ACYP2: variants seen among roughly 807,000 people sequenced by gnomAD.
ACYP2 encodes the protein acylphosphatase 2.
Under a neutral mutation model 11.2 loss-of-function variants are expected in ACYP2, and 12 were observed. That is an observed-to-expected ratio of 1.08 (90% confidence interval 0.69 to 1.74). The LOEUF (loss-of-function observed/expected upper bound fraction) is 1.74, where lower values mean the gene tolerates loss of function less well. Among genes scored for constraint, ACYP2 ranks in the 40% most tolerant of loss-of-function variants. The pLI is 0.00. For synonymous variants in ACYP2, 43 were observed against 32.2 expected, an observed-to-expected ratio of 1.33 and a Z score of -1.13; for missense variants, 134 against 101.9, an observed-to-expected ratio of 1.31 and a Z score of -1.35.
chr2:54,028,422 C>T (rs1374729575), intron 2 of ACYP2, among the ~76,000 whole-genome samples: 1 of 152,102 alleles, frequency 6.6e-6, no homozygotes, highest in African/African-American at 2.4e-5. Context: ...CCGGCAATTC[C>T]CCTCAGCCTC....
At chr2:54,059,582 A>C (rs1420811839) in intron 4 of ACYP2, among the ~76,000 whole-genome samples, 1 of 152,214 alleles carries the variant, frequency 6.6e-6, no homozygotes. Context: ...CTAATACTAC[A>C]TTCAACATTT....
At chr2:54,089,879 C>T (rs1429298711) in intron 4 of ACYP2, among the ~76,000 whole-genome samples, 1 of 152,114 alleles carries the variant, frequency 6.6e-6, no homozygotes, top group East Asian at 1.9e-4. Context: ...GACACGGTGG[C>T]TCATACCTGT....
intron 4 of ACYP2, among the ~76,000 whole-genome samples, chr2:54,062,014 G>T (rs1676494678): frequency 6.6e-6 from 1 of 152,128 alleles, no homozygotes; most frequent in Admixed American, 6.5e-5. Context: ...CATTATATTG[G>T]CTTTAAAGTG....
intron 4 of ACYP2, among the ~76,000 whole-genome samples, chr2:54,068,155 T>A (rs1307288113): frequency 6.6e-6 from 1 of 152,226 alleles, no homozygotes; most frequent in African/African-American, 2.4e-5. Flanking sequence ...ATTTTCTCTG[T>A]GCCTTTAGTT....
intron 6 of ACYP2, among the ~76,000 whole-genome samples, chr2:54,274,309 C>A (rs1688448414): frequency 6.6e-6 from 1 of 152,086 alleles, no homozygotes; most frequent in Non-Finnish European, 1.5e-5. Flanking sequence ...TCACCTCCCA[C>A]CAGGTTCCTC....
chr2:54,059,901 A>C (rs1204422253), intron 4 of ACYP2, among the ~76,000 whole-genome samples: 1 of 152,238 alleles, frequency 6.6e-6, no homozygotes, highest in African/African-American at 2.4e-5. Flanking sequence ...TTCTGAACTC[A>C]GTTGCTACCA....
At chr2:53,993,311 G>C (rs1394969140) in intron 2 of ACYP2, among the ~76,000 whole-genome samples, 2 of 152,068 alleles carry the variant, frequency 1.3e-5, no homozygotes, top group African/African-American at 4.8e-5. Flanking sequence ...GAGAAGGAAG[G>C]ATTAGATCCA....
At chr2:54,265,165 T>A (rs749197282) in intron 6 of ACYP2, among the ~76,000 whole-genome samples, 1 of 152,150 alleles carries the variant, frequency 6.6e-6, no homozygotes, top group Non-Finnish European at 1.5e-5. Flanking sequence ...GATAAAGACA[T>A]AGCTGAGACT....
intron 4 of ACYP2, among the ~76,000 whole-genome samples, chr2:54,062,449 C>T (rs1482669810): frequency 6.6e-6 from 1 of 152,158 alleles, no homozygotes; most frequent in Non-Finnish European, 1.5e-5. Flanking sequence ...GTTGCTGAGA[C>T]CAGATCAACC....
chr2:54,133,202 T>A (rs1055395828), intron 4 of ACYP2, among the ~76,000 whole-genome samples: 1 of 152,212 alleles, frequency 6.6e-6, no homozygotes, highest in African/African-American at 2.4e-5. Context: ...TCCTTATAGT[T>A]TGCCTTTTCC....
At chr2:54,077,709 C>A (rs911965862) in intron 4 of ACYP2, among the ~76,000 whole-genome samples, 3 of 152,318 alleles carry the variant, frequency 2.0e-5, no homozygotes, top group Admixed American at 2.0e-4. Flanking sequence ...GGGGAATAAT[C>A]TGTGTGGGAG....
chr2:54,286,646 A>G (rs994390623), intron 6 of ACYP2, among the ~76,000 whole-genome samples: 2 of 152,104 alleles, frequency 1.3e-5, no homozygotes, highest in Admixed American at 1.3e-4. Context: ...TTTCTAGAAT[A>G]TAATTGTACT....
At chr2:54,077,209 G>T (rs769833014) in intron 4 of ACYP2, among the ~76,000 whole-genome samples, 1 of 152,204 alleles carries the variant, frequency 6.6e-6, no homozygotes, top group Non-Finnish European at 1.5e-5. Flanking sequence ...AATGGAAGAA[G>T]TCCTAGACTC....
intron 4 of ACYP2, among the ~76,000 whole-genome samples, chr2:54,101,812 A>T (rs997855663): frequency 1.3e-5 from 2 of 152,196 alleles, no homozygotes; most frequent in Non-Finnish European, 2.9e-5. Flanking sequence ...GGAAAAATGA[A>T]GCAGAAAGTA....
intron 6 of ACYP2, among the ~76,000 whole-genome samples, chr2:54,177,902 TTTA>T (rs1433713537): frequency 0.056 from 2,066 of 37,138 alleles, 54 homozygotes; most frequent in African/African-American, 0.2. Context: ...TCTTTCTTTC[TTTA>T]TTTTTTTTTT....
chr2:54,171,439 C>G (rs1354851568), intron 6 of ACYP2, among the ~76,000 whole-genome samples: 1 of 152,080 alleles, frequency 6.6e-6, no homozygotes, highest in Non-Finnish European at 1.5e-5. Flanking sequence ...ATTTATCTGC[C>G]AAAAAGCTGT....
At chr2:54,231,385 G>A (rs1686232207) in intron 6 of ACYP2, among the ~76,000 whole-genome samples, 1 of 152,184 alleles carries the variant, frequency 6.6e-6, no homozygotes, top group Non-Finnish European at 1.5e-5. Context: ...GATATAGCAT[G>A]CATCCAAGAA....
intron 2 of ACYP2, among the ~76,000 whole-genome samples, chr2:54,033,532 G>T (rs1257718268): frequency 2.0e-5 from 3 of 152,068 alleles, no homozygotes; most frequent in East Asian, 1.9e-4. Context: ...ATTTCTATAT[G>T]AATTTACTTT....
At chr2:54,040,989 AGAG>A (rs1457444530) in intron 2 of ACYP2, among the ~76,000 whole-genome samples, 3 of 152,234 alleles carry the variant, frequency 2.0e-5, no homozygotes, top group Non-Finnish European at 4.4e-5. Context: ...CAGGTGATTG[AGAG>A]GAGAATTGCT....
Sources: allele counts gnomAD v4.1 joint callset (sites outside exome capture counted in the v4.1 genomes callset), GRCh38; gene constraint gnomAD v4.1.1; transcripts MANE v1.5; gene names NCBI Gene and HGNC (gene_info 2026-07-23, HGNC 2026-07-21).